Variants in NXN observed in about 807,000 individuals in gnomAD.
The protein encoded by NXN is nucleoredoxin.
NXN carries 16 observed loss-of-function variants against 48.6 expected under a neutral mutation model. The ratio of observed to expected loss-of-function variants is 0.33; its 90% CI spans 0.22 to 0.50. NXN has a LOEUF of 0.50. Among genes scored for constraint, NXN ranks in the 20% least tolerant of loss-of-function variants. NXN has a pLI of 0.98. For synonymous variants in NXN, 281 were observed against 269.6 expected (o/e 1.04, Z -0.41); for missense variants, 492 against 605.5 (o/e 0.81, Z 1.97).
intron 1 of NXN, chr17:959,244 G>A: frequency 1.2e-6 from 1 of 841,700 alleles, no homozygotes; most frequent in Non-Finnish European, 1.7e-6. Context: ...CCAGCTCCCA[G>A]CCCCTCCAAA....
At position 976,086 on chromosome 17, in the gene NXN, T is replaced by A. The variant is rs559748863; in HGVS notation, c.360+3233A>T. Among the ~76,000 whole-genome samples the A allele has an allele frequency of 2.6e-4, 40 of 152,008 alleles. No homozygotes were observed. In the South Asian group the frequency reaches 8.1e-3, roughly 31 times the overall value. On this transcript the variant is annotated intron_variant, in intron 1 of 7. Transcript: ENST00000336868. ...TTTGGAAGCTGAAATAATATGTGTT[T>A]TGGAAGCCAAAAAAATTAAGCTTCA...
intron 1 of NXN, among the ~76,000 whole-genome samples, chr17:863,651 G>A (rs1280258851): frequency 1.3e-5 from 2 of 152,106 alleles, no homozygotes; most frequent in Non-Finnish European, 2.9e-5. Flanking sequence ...TTGTAGAGAT[G>A]GGGGTCTCTC....
chr17:800,295 C>G lies in NXN; in HGVS notation c.*654G>C, dbSNP rs530777543. ...GGGAAGATGTCCAAAGAGAAGGATT[C>G]GTTAACAGAATTTCAGGATCGTGGG... On this transcript the variant is annotated 3_prime_UTR_variant, in exon 8 of 8. Coordinates refer to ENST00000336868, the MANE Select transcript of NXN (RefSeq NM_022463.5). The G allele has an allele frequency of 6.6e-6, 1 of 152,188 alleles. No individual in the cohort carries two copies. Among genetic ancestry groups the G allele is most frequent in the African/African-American group, 2.4e-5 (1 of 41,414 alleles). The allele number at this position is 152,188 out of a possible 1,614,324, so 9.4% of individuals were successfully genotyped here.
intron 1 of NXN, among the ~76,000 whole-genome samples, chr17:828,923 A>T (rs1014526788): frequency 6.6e-6 from 1 of 152,060 alleles, no homozygotes; most frequent in Non-Finnish European, 1.5e-5. Context: ...TGGAGAAAAA[A>T]AATCACTGGA....
At chr17:965,806 C>T (rs1335263689) in intron 1 of NXN, among the ~76,000 whole-genome samples, 1 of 151,622 alleles carries the variant, frequency 6.6e-6, no homozygotes, top group Non-Finnish European at 1.5e-5. Flanking sequence ...CTCGGGAGGC[C>T]GAGGCAGGAG....
intron 1 of NXN, among the ~76,000 whole-genome samples, chr17:953,823 G>C (rs985161649): frequency 1.1e-4 from 16 of 152,094 alleles, no homozygotes; most frequent in African/African-American, 3.4e-4. Flanking sequence ...TGTAGTCCCA[G>C]CTACTCAGGA....
intron 5 of NXN, among the ~76,000 whole-genome samples, chr17:817,446 G>T (rs899791477): frequency 6.6e-6 from 1 of 152,096 alleles, no homozygotes; most frequent in Non-Finnish European, 1.5e-5. Flanking sequence ...GAGGTGGGCG[G>T]ATCACAAGGT....
At chr17:885,010 A>T (rs2068327414) in intron 1 of NXN, among the ~76,000 whole-genome samples, 1 of 152,322 alleles carries the variant, frequency 6.6e-6, no homozygotes, top group South Asian at 2.1e-4. Context: ...GGCGAGCGCC[A>T]TCCCCTTTAG....
intron 1 of NXN, among the ~76,000 whole-genome samples, chr17:854,612 A>G (rs1168761805): frequency 8.8e-5 from 13 of 147,136 alleles, no homozygotes; most frequent in Non-Finnish European, 6.0e-5. Flanking sequence ...CTGAGATTGC[A>G]CCACTGCACT....
chr17:883,577 C>T (rs2068308911), intron 1 of NXN, among the ~76,000 whole-genome samples: 1 of 152,226 alleles, frequency 6.6e-6, no homozygotes, highest in African/African-American at 2.4e-5. Flanking sequence ...TGGAGGGGAC[C>T]CTCTGGTCTC....
intron 1 of NXN, among the ~76,000 whole-genome samples, chr17:844,414 T>G (rs2144726506): frequency 6.6e-6 from 1 of 151,854 alleles, no homozygotes; most frequent in East Asian, 1.9e-4. Context: ...CGTCCTGCCC[T>G]CCTTAGCTGG....
chr17:820,528 C>T (rs1258796788), intron 4 of NXN, among the ~76,000 whole-genome samples: 5 of 145,572 alleles, frequency 3.4e-5, no homozygotes, highest in African/African-American at 5.2e-5. Context: ...AGGAGAATGA[C>T]GTGAACCCAG....
chr17:886,794 T>C (rs1342876099), intron 1 of NXN, among the ~76,000 whole-genome samples: 1 of 142,928 alleles, frequency 7.0e-6, no homozygotes, highest in South Asian at 2.3e-4. Flanking sequence ...AAAAAAAAAA[T>C]AGAAATAATA....
chr17:918,072 A>C (rs981827352), intron 1 of NXN, among the ~76,000 whole-genome samples: 2 of 152,206 alleles, frequency 1.3e-5, no homozygotes, highest in Admixed American at 1.3e-4. Flanking sequence ...TGTGTGTCTA[A>C]ACCAGAAAAT....
At chr17:965,484 A>C (rs1229959435) in intron 1 of NXN, among the ~76,000 whole-genome samples, 1 of 152,158 alleles carries the variant, frequency 6.6e-6, no homozygotes, top group East Asian at 1.9e-4. Flanking sequence ...AGTGATAGCA[A>C]GCTGTCTGTG....
intron 1 of NXN, among the ~76,000 whole-genome samples, chr17:882,625 C>T (rs2068297878): frequency 6.6e-6 from 1 of 151,994 alleles, no homozygotes; most frequent in Non-Finnish European, 1.5e-5. Flanking sequence ...ACCACCATGC[C>T]CGGCTAATTT....
chr17:871,809 G>A (rs1400528283), intron 1 of NXN, among the ~76,000 whole-genome samples: 1 of 152,146 alleles, frequency 6.6e-6, no homozygotes, highest in Non-Finnish European at 1.5e-5. Flanking sequence ...CTGTGTTACT[G>A]ATGAACACCT....
chr17:962,383 C>A (rs1197730923), intron 1 of NXN, among the ~76,000 whole-genome samples: 1 of 151,896 alleles, frequency 6.6e-6, no homozygotes, highest in Non-Finnish European at 1.5e-5. Flanking sequence ...AAAGAGGATT[C>A]CCAGCCGGGC....
At chr17:900,814 G>A (rs755822977) in intron 1 of NXN, among the ~76,000 whole-genome samples, 5 of 151,576 alleles carry the variant, frequency 3.3e-5, no homozygotes, top group Admixed American at 6.6e-5. Context: ...CTGCAGAGAC[G>A]TTATAAATGA....
Sources: allele counts gnomAD v4.1 joint callset (sites outside exome capture counted in the v4.1 genomes callset), GRCh38; gene constraint gnomAD v4.1.1; transcripts MANE v1.5; gene names NCBI Gene and HGNC (gene_info 2026-07-23, HGNC 2026-07-21).